TRPV4: variants seen among roughly 807,000 people sequenced by gnomAD.
The protein encoded by TRPV4 is transient receptor potential cation channel subfamily V member 4.
In TRPV4, 58 loss-of-function variants were observed where a neutral mutation model predicts 84.1. That is an observed-to-expected ratio of 0.69 (90% CI 0.56 to 0.86). TRPV4 has a LOEUF of 0.86. TRPV4 is among the 40% of genes least tolerant of loss of function. TRPV4 has a pLI of 0.00. For synonymous variants in TRPV4, 489 were observed against 500.9 expected (o/e 0.98, Z 0.32); for missense variants, 879 against 1,181.1 (o/e 0.74, Z 3.75).
intron 2 of TRPV4, among the ~76,000 whole-genome samples, chr12:109,811,282 G>A (rs1040829530): frequency 1.3e-5 from 2 of 152,288 alleles, no homozygotes; most frequent in Non-Finnish European, 1.5e-5. Context: ...GGAAAGTGCC[G>A]CCTGAGTAGA....
chr12:109,805,239 C>T (rs146054683), intron 3 of TRPV4, among the ~76,000 whole-genome samples: 3 of 152,360 alleles, frequency 2.0e-5, no homozygotes, highest in African/African-American at 7.2e-5. Context: ...AGGTGCCCAA[C>T]AACCATTTGC....
chr12:109,794,734 C>T (rs1890284552), intron 7 of TRPV4, among the ~76,000 whole-genome samples: 1 of 152,190 alleles, frequency 6.6e-6, no homozygotes, highest in Non-Finnish European at 1.5e-5. Context: ...CATTTATTTT[C>T]AGGCCGGCCG....
At position 109,814,630 on chromosome 12, in the gene TRPV4, C is replaced by T. The variant is rs767169716; in HGVS notation, c.167G>A (p.Arg56His). Residue 56 changes from arginine to histidine, a missense_variant, in exon 2 of 16, where the codon CGC (arginine) becomes CAC (histidine). By Grantham distance (29) the Arg-to-His change is conservative. Transcript: ENST00000261740. The surrounding 1 kb of genome is among the most constrained non-coding windows in gnomAD (Gnocchi z 5.4). Reference protein sequence around the residue: ...SLSPSPADASRPAGPGDGRPN... With the variant: ...SLSPSPADASHPAGPGDGRPN... ...TCGCCCATCGCCTGGGCCAGCAGGG[C>T]GACTGGCATCAGCCGGTGAGGGCGA... is the stretch of plus-strand genomic sequence containing the variant. 6.8e-6 allele frequency: 11 copies of T among 1,613,842 alleles called. No individual in the cohort carries two copies. The highest frequency in any genetic ancestry group is 3.3e-5 in the South Asian group (3 of 91,074).
At chr12:109,804,323 GGAATGGCCA>G in intron 3 of TRPV4, among the ~76,000 whole-genome samples, 1 of 152,282 alleles carries the variant, frequency 6.6e-6, no homozygotes, top group South Asian at 2.1e-4. Flanking sequence ...CAGGGGCTCA[GGAATGGCCA>G]GAGGGTGGGA....
intron 12 of TRPV4, among the ~76,000 whole-genome samples, chr12:109,791,585 C>G (rs975770676): frequency 6.8e-6 from 1 of 147,756 alleles, no homozygotes; most frequent in Non-Finnish European, 1.5e-5. Flanking sequence ...TGGGTTCAAG[C>G]GATTCTTGTG....
At chr12:109,795,955 C>T (rs994653117) in intron 7 of TRPV4, among the ~76,000 whole-genome samples, 4 of 150,374 alleles carry the variant, frequency 2.7e-5, no homozygotes, top group Non-Finnish European at 5.9e-5. Context: ...GACGGGGTTT[C>T]GCCATATTGC....
In TRPV4 at chr12:109,786,604, G is replaced by T; in HGVS notation, c.2336+106C>A. 1.3e-6 allele frequency: 2 copies of T among 1,488,692 alleles called. No homozygotes were observed. The highest frequency in any genetic ancestry group is 1.8e-6 in the Non-Finnish European group (2 of 1,092,750). 92.2% of individuals were successfully genotyped at this position (1,488,692 alleles called of 1,614,324 possible). On this transcript the variant is annotated intron_variant, in intron 14 of 15. Coordinates refer to ENST00000261740, the MANE Select transcript of TRPV4 (RefSeq NM_021625.5). The surrounding 1 kb of genome is among the most constrained non-coding windows in gnomAD (Gnocchi z 4.5). The stretch of plus-strand genomic sequence containing the variant: ...TCTGCTCGGGCCTCTTGGGGCCTCA[G>T]TGGCTCCAGAAATTGCAATGGGTAG...
intron 14 of TRPV4, among the ~76,000 whole-genome samples, chr12:109,785,375 T>C (rs1025238947): frequency 1.3e-5 from 2 of 150,850 alleles, no homozygotes; most frequent in South Asian, 2.1e-4. Flanking sequence ...TATATTATCT[T>C]TTTTTTTTAC....
chr12:109,793,830 C>A lies in TRPV4; in HGVS notation c.1584+100G>T. 1 of 959,638 alleles carries A rather than the reference C, an allele frequency of 1.0e-6. No individual in the cohort carries two copies. Among genetic ancestry groups the A allele is most frequent in the Non-Finnish European group, 1.6e-6 (1 of 608,822 alleles). The allele number at this position is 959,638 out of a possible 1,614,324, so 59.4% of individuals were successfully genotyped here. A position where few individuals can be genotyped will look rare whatever the true frequency, so the allele number is the denominator to read the frequency against. On this transcript the variant is annotated intron_variant, in intron 9 of 15. Coordinates refer to ENST00000261740, the MANE Select transcript of TRPV4 (RefSeq NM_021625.5). This position sits in a 1 kb window ranked among gnomAD's most constrained non-coding sequence, Gnocchi z 4.0. ...AAAGGAGGAAGGAAAGGAGAAGGAC[C>A]ATTTGGAGGAGAGAGAAGAGAAAAA...
chr12:109,796,350 G>C lies in TRPV4; in HGVS notation c.1332+175C>G, dbSNP rs563780163. ...ACAAGTCTTGCTCATTTCCTCACAT[G>C]GCAGACACTGTTCTGGGCACTTAGT... is the stretch of plus-strand genomic sequence containing the variant. On this transcript the variant is annotated intron_variant, in intron 7 of 15. Coordinates refer to ENST00000261740, the MANE Select transcript of TRPV4 (RefSeq NM_021625.5). This position sits in a 1 kb window ranked among gnomAD's most constrained non-coding sequence, Gnocchi z 4.2. 6.6e-6 allele frequency among the ~76,000 whole-genome samples: 1 copy of C among 152,114 alleles called. No individual in the cohort carries two copies. Among genetic ancestry groups the C allele is most frequent in the Non-Finnish European group, 1.5e-5 (1 of 68,036 alleles).
At position 109,792,446 on chromosome 12, in the gene TRPV4, G is replaced by T; in HGVS notation, c.1825-17C>A. ...GAAGAGAATCTAAAGACCCCAGCGG[G>T]ATTATGGAGGCAAAGAGGAGACACA... On this transcript the variant is annotated splice_polypyrimidine_tract_variant and intron_variant, in intron 11 of 15. Transcript: ENST00000261740. The T allele has an allele frequency of 1.2e-6, 2 of 1,613,198 alleles. No individual in the cohort carries two copies. Among genetic ancestry groups the T allele is most frequent in the South Asian group, 2.2e-5 (2 of 90,974 alleles).
Position 109,803,290 on chromosome 12 carries a change from G to A in TRPV4, c.560-147C>T. ...AAGCCTGTTTCCTCATCTGTCCAGT[G>A]GGGACCCAGGGCCACTCTATCTTTC... On this transcript the variant is annotated intron_variant, in intron 3 of 15. Coordinates refer to ENST00000261740, the MANE Select transcript of TRPV4 (RefSeq NM_021625.5). The A allele has an allele frequency of 3.1e-6, 3 of 965,766 alleles. No individual in the cohort carries two copies. The East Asian group carries it at 7.9e-5, about 25-fold the overall frequency. 59.8% of individuals were successfully genotyped at this position (965,766 alleles called of 1,614,324 possible). A position where few individuals can be genotyped will look rare whatever the true frequency, so the allele number is the denominator to read the frequency against.
Position 109,814,792 on chromosome 12 carries a change from G to C in TRPV4, c.5C>G (p.Ala2Gly). 1 of 1,540,798 alleles carries C rather than the reference G, an allele frequency of 6.5e-7. No homozygotes were observed. The highest frequency in any genetic ancestry group is 8.7e-7 in the Non-Finnish European group (1 of 1,147,428). M[A>G]DSSEGPRAGP... ...CGCGCGGGGGCCTTCGCTGGAATCCGCCATGCCTGCCCCAGGCCCGTCTGC... is the reference window on the plus strand; with the variant it reads ...CGCGCGGGGGCCTTCGCTGGAATCCCCCATGCCTGCCCCAGGCCCGTCTGC... Residue 2 changes from alanine to glycine, a missense_variant, in exon 2 of 16, where the codon GCG becomes GGG. Physicochemically the swap from Ala to Gly is moderately conservative, Grantham distance 60. Around this residue, in one of 4 missense-constraint regions of TRPV4, gnomAD observed 107 missense variants for 99.4 expected, o/e 1.08. Transcript: ENST00000261740. The surrounding 1 kb of genome is among the most constrained non-coding windows in gnomAD (Gnocchi z 5.4).
At chr12:109,784,627 C>T (rs1463200945) in intron 14 of TRPV4, among the ~76,000 whole-genome samples, 190 bp from the exon 15 acceptor site, 3 of 151,448 alleles carry the variant, frequency 2.0e-5, no homozygotes, top group Non-Finnish European at 2.9e-5. Flanking sequence ...GTCAGGAGTT[C>T]GAGACCAGCC....
Position 109,798,691 on chromosome 12 carries a change from C to A in TRPV4, c.1075G>T (p.Asp359Tyr). Residue 359 changes from aspartate to tyrosine, a missense_variant, in exon 6 of 16, where the codon GAC becomes TAC. By Grantham distance (160) the Asp-to-Tyr change is radical (BLOSUM62 -3). Transcript: ENST00000261740. The surrounding 1 kb of genome is among the most constrained non-coding windows in gnomAD (Gnocchi z 5.0). ...TTGAGCACGGCCTCCAGGTTGCTGT[C>A]GGGGAAGAGGCGGGCACACTTGAGC... ...LLLKCARLFPDSNLEAVLNND... is the reference protein window; with the variant it reads ...LLLKCARLFPYSNLEAVLNND... The A allele has an allele frequency of 2.5e-6, 4 of 1,613,862 alleles. No individual in the cohort carries two copies. Among genetic ancestry groups the A allele is most frequent in the Non-Finnish European group, 3.4e-6 (4 of 1,180,024 alleles).
intron 4 of TRPV4, among the ~76,000 whole-genome samples, chr12:109,802,014 C>T (rs987636753): frequency 6.6e-6 from 1 of 152,162 alleles, no homozygotes; most frequent in Non-Finnish European, 1.5e-5. Flanking sequence ...CCTCTTAGAA[C>T]TTGTGAACTC....
chr12:109,818,452 A>C (rs980404792), intron 1 of TRPV4, among the ~76,000 whole-genome samples: 1 of 152,034 alleles, frequency 6.6e-6, no homozygotes, highest in Non-Finnish European at 1.5e-5. Flanking sequence ...TGAGGCTCAG[A>C]GAGGCTAAGC....
intron 8 of TRPV4, 83 bp downstream of exon 8, chr12:109,794,246 C>T: frequency 3.8e-6 from 6 of 1,564,270 alleles, no homozygotes; most frequent in Non-Finnish European, 5.2e-6. Flanking sequence ...TACAGGGGAC[C>T]CAGAAGGATG....
At chr12:109,794,537 G>T (rs757403927) in intron 7 of TRPV4, 50 bp from the exon 8 acceptor site, 3 of 1,604,736 alleles carry the variant, frequency 1.9e-6, no homozygotes, top group African/African-American at 1.3e-5. Context: ...TGGGTGGGGG[G>T]TCCAGGCAGG....
Sources: allele counts gnomAD v4.1 joint callset (sites outside exome capture counted in the v4.1 genomes callset), GRCh38; gene constraint gnomAD v4.1.1; regional missense constraint gnomAD v4.1.1; non-coding constraint Gnocchi (gnomAD v3.1); transcripts MANE v1.5; gene names NCBI Gene and HGNC (gene_info 2026-07-23, HGNC 2026-07-21).